The following INPP5D variants were observed in gnomAD, a reference collection of about 807,000 sequenced individuals.
INPP5D encodes inositol polyphosphate-5-phosphatase D.
INPP5D carries 33 observed loss-of-function variants against 122.9 expected under a neutral mutation model. The observed-to-expected ratio is 0.27, with a 90% CI of 0.20 to 0.36. The LOEUF is 0.36. Ranked by LOEUF, INPP5D falls within the 10% of genes least tolerant of loss-of-function variation. The probability of loss-of-function intolerance (pLI) is 1.00; values close to 1 mark genes in which losing one functional copy is unlikely to be tolerated. For missense variants in INPP5D, 1,053 were observed against 1,412.7 expected, an observed-to-expected ratio of 0.75 and a Z score of 4.08; for synonymous variants, 584 against 576.2, an observed-to-expected ratio of 1.01 and a Z score of -0.19.
At chr2:233,152,382 C>T (rs962261167) in intron 9 of INPP5D, among the ~76,000 whole-genome samples, 4 of 152,128 alleles carry the variant, frequency 2.6e-5, no homozygotes, top group Admixed American at 1.3e-4. Context: ...ATGTTCAAAT[C>T]ATAAAATATT....
At chr2:233,130,429 T>C in intron 4 of INPP5D, 79 bp from the exon 5 acceptor site, 2 of 1,465,490 alleles carry the variant, frequency 1.4e-6, no homozygotes, top group Non-Finnish European at 1.9e-6. Context: ...GGATTTGTTA[T>C]TGTGGTTGCT....
intron 18 of INPP5D, among the ~76,000 whole-genome samples, chr2:233,180,143 C>A (rs1694746022): frequency 1.3e-5 from 2 of 152,096 alleles, no homozygotes; most frequent in South Asian, 4.1e-4. Flanking sequence ...TCTTAAGGCT[C>A]TGTTGGCCTC....
At chr2:233,184,371 C>A (rs1176172984) in intron 19 of INPP5D, 37 bp from the exon 20 acceptor site, 1 of 1,609,722 alleles carries the variant, frequency 6.2e-7, no homozygotes, top group African/African-American at 1.3e-5. Flanking sequence ...TCTCCAGGCA[C>A]ATTGTGGAAC....
intron 1 of INPP5D, among the ~76,000 whole-genome samples, chr2:233,068,285 CAAAA>C (rs60089777): frequency 1.6e-5 from 2 of 127,162 alleles, no homozygotes; most frequent in Non-Finnish European, 1.6e-5. Context: ...AACTCTGTCT[CAAAA>C]AAAAAAAAAA....
At chr2:233,095,773 A>G (rs1281808631) in intron 2 of INPP5D, among the ~76,000 whole-genome samples, 1 of 152,160 alleles carries the variant, frequency 6.6e-6, no homozygotes, top group Non-Finnish European at 1.5e-5. Flanking sequence ...AACAGTACCA[A>G]AGGAAATACA....
intron 17 of INPP5D, among the ~76,000 whole-genome samples, chr2:233,171,835 G>A (rs1400693113): frequency 1.3e-5 from 2 of 152,224 alleles, no homozygotes; most frequent in African/African-American, 4.8e-5. Flanking sequence ...GGGCAGGGAA[G>A]GATCAGGGAA....
intron 2 of INPP5D, among the ~76,000 whole-genome samples, chr2:233,095,637 AAAAAAAC>A (rs1447407819): frequency 8.6e-6 from 1 of 116,674 alleles, no homozygotes; most frequent in Non-Finnish European, 1.9e-5. Flanking sequence ...AAAAAAAAAA[AAAAAAAC>A]AACTCCTGGG....
chr2:233,192,918 TTTTTG>T (rs1695089698), intron 22 of INPP5D, among the ~76,000 whole-genome samples: 1 of 152,198 alleles, frequency 6.6e-6, no homozygotes, highest in African/African-American at 2.4e-5. Context: ...GTGGTTTTGT[TTTTTG>T]TTTTTGGAGG....
chr2:233,097,852 CTGCAGATCAGTGGCATGG>C (rs1157886271), intron 2 of INPP5D, among the ~76,000 whole-genome samples: 1 of 151,696 alleles, frequency 6.6e-6, no homozygotes, highest in Non-Finnish European at 1.5e-5. Context: ...CCGTGCAATG[CTGCAGATCAGTGGCATGG>C]TGCTTTTGGT....
Position 233,112,910 on chromosome 2 carries a change from G to A in INPP5D, c.199-9197G>A, listed in dbSNP as rs147576661. On this transcript the variant is annotated intron_variant, in intron 2 of 26. Coordinates refer to ENST00000445964, the MANE Select transcript of INPP5D (RefSeq NM_001017915.3). ...GGACCTCAGGTGATCCACTCACCTC[G>A]GTTTCCCAAAGTGCTGGGAATACAG... 4.7e-3 allele frequency among the ~76,000 whole-genome samples: 710 copies of A among 152,194 alleles called. 10 individuals are homozygous for A. The highest frequency in any genetic ancestry group is 0.016 in the African/African-American group (664 of 41,510).
chr2:233,175,343 T>A (rs572995787), intron 17 of INPP5D, among the ~76,000 whole-genome samples: 18 of 152,218 alleles, frequency 1.2e-4, no homozygotes, highest in African/African-American at 4.1e-4. Flanking sequence ...ACAATGGAAC[T>A]TTTATAAGCA....
chr2:233,203,611 G>C (rs1011466002), intron 25 of INPP5D, among the ~76,000 whole-genome samples: 11 of 152,130 alleles, frequency 7.2e-5, no homozygotes, highest in African/African-American at 2.7e-4. Flanking sequence ...AGTTTGCTAG[G>C]CTGGGCACAG....
At chr2:233,080,363 G>A (rs2106210592) in intron 2 of INPP5D, among the ~76,000 whole-genome samples, 1 of 152,206 alleles carries the variant, frequency 6.6e-6, no homozygotes, top group Non-Finnish European at 1.5e-5. Flanking sequence ...GAAAGCTATT[G>A]TTATCTGGCT....
At chr2:233,198,521 G>A (rs1374822221) in intron 25 of INPP5D, 145 bp downstream of exon 25, 1 of 1,286,186 alleles carries the variant, frequency 7.8e-7, no homozygotes, top group Non-Finnish European at 1.0e-6. Context: ...CCTGAACACA[G>A]CAGGCCCCTG....
intron 9 of INPP5D, among the ~76,000 whole-genome samples, chr2:233,151,699 G>C (rs1387139912): frequency 6.6e-6 from 1 of 152,194 alleles, no homozygotes; most frequent in African/African-American, 2.4e-5. Context: ...GCTTCACAAA[G>C]GCTGGGATGT....
intron 25 of INPP5D, among the ~76,000 whole-genome samples, chr2:233,203,290 C>T (rs530114774): frequency 4.4e-4 from 67 of 152,116 alleles, no homozygotes; most frequent in South Asian, 1.0e-3. Context: ...TGGGAGGAAC[C>T]GGGAAAGGAG....
chr2:233,116,605 T>G, intron 2 of INPP5D, among the ~76,000 whole-genome samples: 1 of 135,204 alleles, frequency 7.4e-6, no homozygotes, highest in African/African-American at 2.8e-5. Flanking sequence ...CATAATTTTT[T>G]TTTTTCTTTG....
chr2:233,161,950 C>T (rs1694210272), intron 11 of INPP5D, 124 bp downstream of exon 11: 2 of 1,394,188 alleles, frequency 1.4e-6, no homozygotes, highest in Non-Finnish European at 1.9e-6. Context: ...CAGGGCCCTG[C>T]CCCTAAGCCC....
At chr2:233,185,372 G>A (rs1048306752) in intron 20 of INPP5D, among the ~76,000 whole-genome samples, 4 of 152,172 alleles carry the variant, frequency 2.6e-5, no homozygotes, top group East Asian at 1.9e-4. Context: ...GGGTCAAAGC[G>A]GTTCGAAAAA....
Sources: gnomAD v4.1 joint callset for allele counts (sites outside exome capture counted in the v4.1 genomes callset) on GRCh38, gnomAD v4.1.1 for gene constraint, MANE v1.5 for transcripts, NCBI Gene and HGNC (gene_info 2026-07-23, HGNC 2026-07-21) for gene names.